The following YPEL1 variants were observed in gnomAD, a reference collection of about 807,000 sequenced individuals.
YPEL1 encodes protein yippee-like 1.
A neutral mutation model predicts 17.3 loss-of-function variants in YPEL1; 7 were observed. The ratio of observed to expected loss-of-function variants is 0.40; its 90% confidence interval spans 0.23 to 0.76. YPEL1 has a LOEUF of 0.76. Ranked by LOEUF, YPEL1 falls within the 30% of genes least tolerant of loss-of-function variation. YPEL1 has a pLI of 0.35. For missense variants in YPEL1, 91 were observed against 155.5 expected (o/e 0.59, Z 2.21); for synonymous variants, 59 against 59.6 (o/e 0.99, Z 0.05).
At position 21,707,484 on chromosome 22, in the gene YPEL1, G is replaced by GC. The variant is rs538477197; in HGVS notation, c.117+3143dup. On this transcript the variant is annotated intron_variant, in intron 2 of 4. Transcript: ENST00000339468. ...TGTCCCTGGTAGACTTCTCACCTGA[G>GC]CATGAACTAAACCTGTGTTTTAAGC... 1.0e-3 allele frequency among the ~76,000 whole-genome samples: 155 copies of GC among 152,306 alleles called. 1 individual carries two copies. Among genetic ancestry groups the GC allele is most frequent in the African/African-American group, 3.6e-3 (150 of 41,582 alleles).
rs781168732 is a variant in YPEL1 at position 21,703,356 on chromosome 22, C to A, written c.270+14G>T. Reference sequence around the variant, plus strand: ...CATCCCCTTGTGGCACGAGCATCCCCTTGTGGCACTCACGTATTTCCACCC... The same window carrying A: ...CATCCCCTTGTGGCACGAGCATCCCATTGTGGCACTCACGTATTTCCACCC... On this transcript the variant is annotated intron_variant, in intron 4 of 4. Transcript: ENST00000339468. This position sits in a 1 kb window ranked among gnomAD's most constrained non-coding sequence, Gnocchi z 6.1. The A allele has an allele frequency of 2.5e-6, 4 of 1,611,900 alleles. No homozygotes were observed.
At chr22:21,717,599 C>T (rs944245880) in intron 1 of YPEL1, among the ~76,000 whole-genome samples, 7 of 151,802 alleles carry the variant, frequency 4.6e-5, no homozygotes, top group Non-Finnish European at 8.8e-5. Flanking sequence ...AGTCCTAAAG[C>T]AGGATAAATA....
intron 1 of YPEL1, among the ~76,000 whole-genome samples, chr22:21,714,153 A>G (rs1252844183): frequency 1.3e-5 from 2 of 151,312 alleles, no homozygotes; most frequent in Non-Finnish European, 2.9e-5. Context: ...GCACGCCTGC[A>G]TTAGAGGGTC....
intron 1 of YPEL1, among the ~76,000 whole-genome samples, chr22:21,715,101 TACACAC>T (rs946589868): frequency 6.6e-6 from 1 of 151,972 alleles, no homozygotes; most frequent in Non-Finnish European, 1.5e-5. Context: ...ATATGCCATA[TACACAC>T]ACACACATAC....
Position 21,701,173 on chromosome 22 carries a change from T to A in YPEL1, c.316A>T (p.Ile106Phe). Reference sequence around the variant, plus strand: ...TTGATCATATGAGCAAGCTCAATGATGAATTTTCCTTCCTTATATTTCTGA... The same window carrying A: ...TTGATCATATGAGCAAGCTCAATGAAGAATTTTCCTTCCTTATATTTCTGA... The part of the protein sequence containing the change: ...SSQKYKEGKF[I>F]IELAHMIKDN... Residue 106 changes from isoleucine (I) to phenylalanine (F), a missense_variant, in exon 5 of 5, where the codon ATC (isoleucine) becomes TTC (phenylalanine). Coordinates refer to ENST00000339468, the MANE Select transcript of YPEL1 (RefSeq NM_013313.5). 6.2e-7 allele frequency: 1 copy of A among 1,614,106 alleles called. No homozygotes were observed. Among genetic ancestry groups the A allele is most frequent in the Non-Finnish European group, 8.5e-7 (1 of 1,179,960 alleles).
chr22:21,727,760 C>T (rs989178591), intron 1 of YPEL1, among the ~76,000 whole-genome samples: 1 of 152,160 alleles, frequency 6.6e-6, no homozygotes, highest in Non-Finnish European at 1.5e-5. Context: ...CCCACTGGGT[C>T]GTCGCCCCAT....
chr22:21,702,753 T>A (rs541891176), intron 4 of YPEL1, among the ~76,000 whole-genome samples: 2 of 150,980 alleles, frequency 1.3e-5, no homozygotes, highest in Non-Finnish European at 3.0e-5. Context: ...TCAGAGAGAG[T>A]GGAGCCTGGA....
chr22:21,710,995 A>C, intron 1 of YPEL1, 87 bp from the exon 2 acceptor site: 4 of 452,942 alleles, frequency 8.8e-6, no homozygotes, highest in East Asian at 3.9e-5. Context: ...TTGTGAAGCA[A>C]CACGCGGGGT....
At chr22:21,721,802 T>C (rs988200257) in intron 1 of YPEL1, among the ~76,000 whole-genome samples, 1 of 151,942 alleles carries the variant, frequency 6.6e-6, no homozygotes, top group Non-Finnish European at 1.5e-5. Context: ...CTCGGTACAA[T>C]GGACAGCAGA....
rs2068082520 is a variant in YPEL1, at chr22:21,703,223, T to C, written c.270+147A>G. On this transcript the variant is annotated intron_variant, in intron 4 of 4. Coordinates refer to ENST00000339468, the MANE Select transcript of YPEL1 (RefSeq NM_013313.5). This position sits in a 1 kb window ranked among gnomAD's most constrained non-coding sequence, Gnocchi z 6.1. ...GTGGTGAGACCATGCCTCACTGGAGTCTGGACTTCCCACCTCGGCTGAGGA... is the reference window on the plus strand; with the variant it reads ...GTGGTGAGACCATGCCTCACTGGAGCCTGGACTTCCCACCTCGGCTGAGGA... The C allele has an allele frequency of 1.3e-5, 9 of 687,910 alleles. No homozygotes were observed. Among genetic ancestry groups the C allele is most frequent in the Middle Eastern group, 2.5e-4 (1 of 4,074 alleles). 42.6% of individuals were successfully genotyped at this position (687,910 alleles called of 1,614,324 possible). A position where few individuals can be genotyped will look rare whatever the true frequency, so the allele number is the denominator to read the frequency against.
rs1407066873 is a variant in YPEL1, at chr22:21,703,279, AC to A, written c.270+90del. On this transcript the variant is annotated intron_variant, in intron 4 of 4. Coordinates refer to ENST00000339468, the MANE Select transcript of YPEL1 (RefSeq NM_013313.5). The surrounding 1 kb of genome is among the most constrained non-coding windows in gnomAD (Gnocchi z 6.1). Reference sequence around the variant, plus strand: ...GGTTTCTGAAAGTGCTGTGACTGGTACCATGGGCCACACTGCACGGGGAGGT... The same window carrying A: ...GGTTTCTGAAAGTGCTGTGACTGGTACATGGGCCACACTGCACGGGGAGGT... The A allele has an allele frequency of 1.8e-6, 2 of 1,120,896 alleles. No individual in the cohort carries two copies. Among genetic ancestry groups the A allele is most frequent in the African/African-American group, 3.0e-5 (2 of 65,794 alleles). 69.4% of individuals were successfully genotyped at this position (1,120,896 alleles called of 1,614,324 possible). A position where few individuals can be genotyped will look rare whatever the true frequency, so the allele number is the denominator to read the frequency against.
chr22:21,721,896 T>C (rs542627850), intron 1 of YPEL1, among the ~76,000 whole-genome samples: 1 of 152,296 alleles, frequency 6.6e-6, no homozygotes, highest in South Asian at 2.1e-4. Context: ...ACCAAGCCCC[T>C]GGCAGCTACC....
Position 21,699,824 on chromosome 22 carries a change from A to G in YPEL1, c.*1305T>C, listed in dbSNP as rs372451820. ...GTTACTCTATAGACATGGACCAGCCACTCAGCAACTGCCTGACACCTAAGC... is the reference window on the plus strand; with the variant it reads ...GTTACTCTATAGACATGGACCAGCCGCTCAGCAACTGCCTGACACCTAAGC... On this transcript the variant is annotated 3_prime_UTR_variant, in exon 5 of 5. Transcript: ENST00000339468. The G allele has an allele frequency of 2.6e-4, 40 of 152,706 alleles. 3 individuals are homozygous for G. The highest frequency in any genetic ancestry group is 9.4e-4 in the African/African-American group (39 of 41,536). The allele number at this position is 152,706 out of a possible 1,614,324, so 9.5% of individuals were successfully genotyped here.
At chr22:21,717,506 G>A (rs74373499) in intron 1 of YPEL1, among the ~76,000 whole-genome samples, 4,539 of 152,188 alleles carry the variant, frequency 0.03, 93 homozygotes, top group Admixed American at 0.045. Context: ...AAATGGGGTA[G>A]AGGCGCTTTG....
intron 1 of YPEL1, among the ~76,000 whole-genome samples, chr22:21,716,955 A>G (rs2148606790): frequency 6.6e-6 from 1 of 152,334 alleles, no homozygotes; most frequent in Admixed American, 6.5e-5. Flanking sequence ...TTGCAGAAAA[A>G]CAGGTGTAGA....
Position 21,707,104 on chromosome 22 carries a change from G to A in YPEL1, c.118-3222C>T, listed in dbSNP as rs1487434761. Among the ~76,000 whole-genome samples, 4 of 151,994 alleles carry A rather than the reference G, an allele frequency of 2.6e-5. No homozygotes were observed. The East Asian group carries it at 7.7e-4, about 29-fold the overall frequency. On this transcript the variant is annotated intron_variant, in intron 2 of 4. Coordinates refer to ENST00000339468, the MANE Select transcript of YPEL1 (RefSeq NM_013313.5). ...ACACATTATTTTAATGTGATTATGT[G>A]CAATATTATATAATTTAAAAAAAAT... is the stretch of plus-strand genomic sequence containing the variant.
chr22:21,709,271 A>T (rs2068142666), intron 2 of YPEL1, among the ~76,000 whole-genome samples: 2 of 151,986 alleles, frequency 1.3e-5, no homozygotes. Context: ...ACCTCAGAAA[A>T]CACCGAGGAA....
intron 1 of YPEL1, among the ~76,000 whole-genome samples, chr22:21,727,350 T>C (rs1381440001): frequency 6.6e-6 from 1 of 152,198 alleles, no homozygotes; most frequent in Non-Finnish European, 1.5e-5. Flanking sequence ...AAACAACCAA[T>C]GTAAATGGGC....
chr22:21,724,444 G>A (rs925655520), intron 1 of YPEL1, among the ~76,000 whole-genome samples: 2 of 152,062 alleles, frequency 1.3e-5, no homozygotes, highest in Non-Finnish European at 2.9e-5. Flanking sequence ...GGCTGAGGCA[G>A]GAGAATAGCT....
Sources: allele counts gnomAD v4.1 joint callset (sites outside exome capture counted in the v4.1 genomes callset), GRCh38; gene constraint gnomAD v4.1.1; non-coding constraint Gnocchi (gnomAD v3.1); transcripts MANE v1.5; gene names NCBI Gene and HGNC (gene_info 2026-07-23, HGNC 2026-07-21).